Variants in DCTD observed in about 807,000 individuals in gnomAD.
The protein encoded by DCTD is dCMP deaminase, also known as deoxycytidylate deaminase.
A neutral mutation model predicts 21.0 loss-of-function variants in DCTD; 23 were observed. The ratio of observed to expected loss-of-function variants is 1.09; its 90% confidence interval spans 0.79 to 1.55. DCTD has a LOEUF of 1.55. Among genes scored for constraint, DCTD ranks in the 40% most tolerant of loss-of-function variants. The pLI, the probability that DCTD is intolerant of heterozygous loss-of-function variation, is 0.00. For synonymous variants in DCTD, 71 were observed against 81.1 expected (o/e 0.88, Z 0.67); for missense variants, 224 against 230.0 (o/e 0.97, Z 0.17).
At chr4:182,917,403 G>T, upstream of DCTD, 1 of 1,062,746 alleles carries the variant, frequency 9.4e-7, no homozygotes, top group Non-Finnish European at 1.1e-6. This position sits in a 1 kb window ranked among gnomAD's most constrained non-coding sequence, Gnocchi z 4.9. Context: ...GGGCCGCCGC[G>T]GGGCCGGAAG....
chr4:182,898,392 T>C (rs554878119), intron 3 of DCTD, among the ~76,000 whole-genome samples: 2 of 152,360 alleles, frequency 1.3e-5, no homozygotes, highest in South Asian at 2.1e-4. Flanking sequence ...CTGAGCGCTC[T>C]TGTAATTTGC....
intron 3 of DCTD, among the ~76,000 whole-genome samples, chr4:182,909,282 G>A (rs1370349541): frequency 6.6e-6 from 1 of 152,142 alleles, no homozygotes; most frequent in East Asian, 1.9e-4. Context: ...GTTGATTTTA[G>A]TGGGTGGGAG....
chr4:182,896,570 G>A (rs1241088676), intron 3 of DCTD, among the ~76,000 whole-genome samples: 2 of 152,060 alleles, frequency 1.3e-5, no homozygotes, highest in Non-Finnish European at 2.9e-5. Context: ...AAACCCTGAC[G>A]GCATGGGAGG....
In DCTD at chr4:182,915,007, T is replaced by C. The variant is rs764076068; in HGVS notation, c.160A>G (p.Asn54Asp). 3.0e-5 allele frequency: 48 copies of C among 1,614,070 alleles called. No individual in the cohort carries two copies. Among genetic ancestry groups the C allele is most frequent in the Non-Finnish European group, 3.6e-5 (43 of 1,180,030 alleles). Residue 54 changes from asparagine (N) to aspartate (D), a missense_variant, in exon 3 of 6, where the codon AAT becomes GAT. By Grantham distance (23) the Asn-to-Asp change is conservative. Coordinates refer to ENST00000438320, the MANE Select transcript of DCTD (RefSeq NM_001921.3). Reference protein sequence around the residue: ...SENKIVGIGYNGMPNGCSDDV... With the variant: ...SENKIVGIGYDGMPNGCSDDV... ...TCACTGCACCCATTTGGCATCCCAT[T>C]GTACCCAATCCCGACAATCTTGTTT...
intron 2 of DCTD, 33 bp downstream of exon 2, chr4:182,915,428 G>A (rs757137584): frequency 1.0e-5 from 14 of 1,347,540 alleles, no homozygotes; most frequent in Non-Finnish European, 1.5e-5. Context: ...TTGCCTGTGA[G>A]TATCTAAGCA....
chr4:182,891,367 C>T lies in DCTD; in HGVS notation c.*32G>A. ...TAGCAACCTCTTAGAAGACGATAAT[C>T]CCAATCTTCTGGAGATTGAATGAGA... On this transcript the variant is annotated 3_prime_UTR_variant, in exon 6 of 6. Coordinates refer to ENST00000438320, the MANE Select transcript of DCTD (RefSeq NM_001921.3). The T allele has an allele frequency of 2.0e-6, 3 of 1,480,054 alleles. No homozygotes were observed. The highest frequency in any genetic ancestry group is 2.8e-6 in the Non-Finnish European group (3 of 1,058,162). The allele number at this position is 1,480,054 out of a possible 1,614,324, so 91.7% of individuals were successfully genotyped here.
chr4:182,915,061 A>G lies in DCTD; in HGVS notation c.109-3T>C, dbSNP rs745556501. 3.1e-6 allele frequency: 5 copies of G among 1,614,246 alleles called. No homozygotes were observed. Among genetic ancestry groups the G allele is most frequent in the Non-Finnish European group, 4.2e-6 (5 of 1,180,038 alleles). On this transcript the variant is annotated splice_region_variant and splice_polypyrimidine_tract_variant and intron_variant, in intron 2 of 5. Coordinates refer to ENST00000438320, the MANE Select transcript of DCTD (RefSeq NM_001921.3). ...GAATTCACGATGCAGGCGCCGACCTAGAAGGAAACATGCCCAAAGGCTTGG... is the reference window on the plus strand; with the variant it reads ...GAATTCACGATGCAGGCGCCGACCTGGAAGGAAACATGCCCAAAGGCTTGG...
chr4:182,905,535 G>C (rs1418827372), intron 3 of DCTD, among the ~76,000 whole-genome samples: 3 of 151,940 alleles, frequency 2.0e-5, no homozygotes, highest in African/African-American at 7.3e-5. Context: ...CACCATGTTG[G>C]CCAGGATGGT....
intron 3 of DCTD, among the ~76,000 whole-genome samples, chr4:182,907,779 T>C (rs996249363): frequency 2.6e-5 from 4 of 152,210 alleles, no homozygotes; most frequent in African/African-American, 7.2e-5. Flanking sequence ...ATAATACTTA[T>C]ATTTTTCCTT....
chr4:182,917,040 C>T lies in DCTD; in HGVS notation c.-8+271G>A, dbSNP rs918671225. 33 of 987,846 alleles carry T rather than the reference C, an allele frequency of 3.3e-5. No individual in the cohort carries two copies. The highest frequency in any genetic ancestry group is 3.6e-5 in the Non-Finnish European group (30 of 831,762). The allele number at this position is 987,846 out of a possible 1,614,324, so 61.2% of individuals were successfully genotyped here. A position where few individuals can be genotyped will look rare whatever the true frequency, so the allele number is the denominator to read the frequency against. On this transcript the variant is annotated intron_variant, in intron 1 of 5. Coordinates refer to ENST00000438320, the MANE Select transcript of DCTD (RefSeq NM_001921.3). This position sits in a 1 kb window ranked among gnomAD's most constrained non-coding sequence, Gnocchi z 4.9. ...TGTGGTGTTCAGACGCCCAGCACCA[C>T]CTCCCGGGGCACTCCAAGGGGCCCG... is the stretch of plus-strand genomic sequence containing the variant.
In DCTD at chr4:182,892,167, G is replaced by A. The variant is rs115784228; in HGVS notation, c.459-690C>T. Among the ~76,000 whole-genome samples, 824 of 152,184 alleles carry A rather than the reference G, an allele frequency of 5.4e-3. 4 individuals are homozygous for A. The highest frequency in any genetic ancestry group is 0.018 in the African/African-American group (758 of 41,504). On this transcript the variant is annotated intron_variant, in intron 5 of 5. Coordinates refer to ENST00000438320, the MANE Select transcript of DCTD (RefSeq NM_001921.3). ...CTGTATCCCTAATGACCAGCACAAG[G>A]GGCCAGGGCACGTCACCTATGACCA...
At chr4:182,894,949 G>A (rs2152855131) in intron 3 of DCTD, among the ~76,000 whole-genome samples, 1 of 152,360 alleles carries the variant, frequency 6.6e-6, no homozygotes, top group Non-Finnish European at 1.5e-5. Context: ...CACACATGGG[G>A]AAGTTCACCG....
At chr4:182,901,423 G>A (rs1271041054) in intron 3 of DCTD, among the ~76,000 whole-genome samples, 2 of 152,144 alleles carry the variant, frequency 1.3e-5, no homozygotes, top group Admixed American at 6.5e-5. Flanking sequence ...TAAAGAAAAC[G>A]ATGTCCTTAG....
intron 3 of DCTD, among the ~76,000 whole-genome samples, chr4:182,901,423 G>C (rs1271041054): frequency 1.3e-5 from 2 of 152,144 alleles, no homozygotes; most frequent in African/African-American, 4.8e-5. Flanking sequence ...TAAAGAAAAC[G>C]ATGTCCTTAG....
chr4:182,901,265 T>C (rs573608054), intron 3 of DCTD, among the ~76,000 whole-genome samples: 3 of 152,328 alleles, frequency 2.0e-5, no homozygotes, highest in South Asian at 4.1e-4. Context: ...CTTCATCTGC[T>C]ATGGAGATGT....
intron 3 of DCTD, among the ~76,000 whole-genome samples, chr4:182,905,872 G>C (rs949368473): frequency 6.6e-6 from 1 of 152,148 alleles, no homozygotes; most frequent in African/African-American, 2.4e-5. Context: ...AATCTTCCTT[G>C]ATCATTCCAA....
At chr4:182,892,399 G>A (rs1040361328) in intron 5 of DCTD, among the ~76,000 whole-genome samples, 8 of 152,174 alleles carry the variant, frequency 5.3e-5, no homozygotes, top group African/African-American at 1.9e-4. Flanking sequence ...ATCCCCAGGT[G>A]GCTCACACCT....
At chr4:182,895,460 C>T (rs1248599708) in intron 3 of DCTD, among the ~76,000 whole-genome samples, 2 of 152,166 alleles carry the variant, frequency 1.3e-5, no homozygotes, top group Non-Finnish European at 2.9e-5. Flanking sequence ...CACCCATGAT[C>T]CCGGGTCACA....
chr4:182,915,039 T>G lies in DCTD; in HGVS notation c.128A>C (p.Asn43Thr). ...PNSQVGACIVNSENKIVGIGY... is the reference protein window; with the variant it reads ...PNSQVGACIVTSENKIVGIGY... ...AATCCCGACAATCTTGTTTTCTGAA[T>G]TCACGATGCAGGCGCCGACCTAGAA... is the stretch of plus-strand genomic sequence containing the variant. The change falls in exon 3 of 6, where the codon AAT (asparagine) becomes ACT (threonine). Residue 43 changes from asparagine to threonine, a missense_variant. By Grantham distance (65) the Asn-to-Thr change is moderately conservative. Coordinates refer to ENST00000438320, the MANE Select transcript of DCTD (RefSeq NM_001921.3). 1 of 1,614,224 alleles carries G rather than the reference T, an allele frequency of 6.2e-7. No homozygotes were observed. The highest frequency in any genetic ancestry group is 1.7e-5 in the Admixed American group (1 of 60,030).
Sources: gnomAD v4.1 joint callset for allele counts (sites outside exome capture counted in the v4.1 genomes callset) on GRCh38, gnomAD v4.1.1 for gene constraint, Gnocchi (gnomAD v3.1) non-coding constraint, MANE v1.5 for transcripts, NCBI Gene and HGNC (gene_info 2026-07-23, HGNC 2026-07-21) for gene names.